KAT6A: variants seen among roughly 807,000 people sequenced by gnomAD.
KAT6A encodes the protein histone acetyltransferase KAT6A.
A neutral mutation model predicts 198.4 loss-of-function variants in KAT6A; 9 were observed. The observed-to-expected ratio is 0.05, with a 90% CI of 0.03 to 0.08. KAT6A has a LOEUF of 0.08. Among genes scored for constraint, KAT6A ranks in the 10% least tolerant of loss-of-function variants. KAT6A has a pLI of 1.00. For synonymous variants in KAT6A, 890 were observed against 883.0 expected (o/e 1.01, Z -0.14); for missense variants, 2,077 against 2,509.9 (o/e 0.83, Z 3.69).
At position 41,933,337 on chromosome 8, in the gene KAT6A, G is replaced by C; in HGVS notation, c.4883C>G (p.Ala1628Gly). Residue 1628 changes from alanine (A) to glycine (G), a missense_variant, in exon 17 of 17, where the codon GCC becomes GGC. Coordinates refer to ENST00000265713, the MANE Select transcript of KAT6A (RefSeq NM_006766.5). The surrounding 1 kb of genome is among the most constrained non-coding windows in gnomAD (Gnocchi z 6.2). ...MMQQSSVQPA[A>G]NCSIKSPQSC... ...CTGAGGTGACTTGATGCTGCAGTTGGCAGCAGGCTGGACGCTGCTCTGCTG... is the reference window on the plus strand; with the variant it reads ...CTGAGGTGACTTGATGCTGCAGTTGCCAGCAGGCTGGACGCTGCTCTGCTG... 6.3e-7 allele frequency: 1 copy of C among 1,576,080 alleles called. No individual in the cohort carries two copies. The highest frequency in any genetic ancestry group is 1.2e-5 in the South Asian group (1 of 86,318).
chr8:41,956,618 A>C (rs1288374813), intron 8 of KAT6A, among the ~76,000 whole-genome samples: 1 of 152,214 alleles, frequency 6.6e-6, no homozygotes, highest in Admixed American at 6.5e-5. Flanking sequence ...TAAAAGGCCA[A>C]GGGACTTATC....
chr8:41,946,493 TACACACACACACACACACAC>T (rs60247515), intron 12 of KAT6A, 78 bp downstream of exon 12: 25 of 323,596 alleles, frequency 7.7e-5, no homozygotes, highest in Admixed American at 2.9e-4. Context: ...TATATATATA[TACACACACACACACACACAC>T]ACACACACAC....
In KAT6A at chr8:42,049,116, C is replaced by A. The variant is rs542629656; in HGVS notation, c.-139G>T. Reference sequence around the variant, plus strand: ...ATGAGTTTTCTGGCCTAAGTCCTTCCTCCTTTCACAAAACAGAATGCCACC... The same window carrying A: ...ATGAGTTTTCTGGCCTAAGTCCTTCATCCTTTCACAAAACAGAATGCCACC... On this transcript the variant is annotated 5_prime_UTR_variant, in exon 2 of 17. It adds an upstream start codon to the 5' untranslated region. Coordinates refer to ENST00000265713, the MANE Select transcript of KAT6A (RefSeq NM_006766.5). 8 of 848,914 alleles carry A rather than the reference C, an allele frequency of 9.4e-6. No individual in the cohort carries two copies. Among genetic ancestry groups the A allele is most frequent in the African/African-American group, 1.7e-5 (1 of 59,064 alleles). The allele number at this position is 848,914 out of a possible 1,614,324, so 52.6% of individuals were successfully genotyped here. A position where few individuals can be genotyped will look rare whatever the true frequency, so the allele number is the denominator to read the frequency against.
chr8:42,007,961 C>CAAAAAAAAAAAAAA (rs988491987), intron 2 of KAT6A, among the ~76,000 whole-genome samples: 3 of 42,894 alleles, frequency 7.0e-5, no homozygotes, highest in African/African-American at 2.7e-4. Flanking sequence ...GACTCCGTCT[C>CAAAAAAAAAAAAAA]AAAAAAAAAA....
intron 2 of KAT6A, among the ~76,000 whole-genome samples, chr8:41,991,719 G>A (rs1203220464): frequency 1.3e-5 from 2 of 152,128 alleles, no homozygotes; most frequent in African/African-American, 2.4e-5. Context: ...TTGGAACTTA[G>A]GAAACAGGCT....
At chr8:41,985,081 T>C (rs1439875249) in intron 3 of KAT6A, among the ~76,000 whole-genome samples, 1 of 152,158 alleles carries the variant, frequency 6.6e-6, no homozygotes, top group Admixed American at 6.5e-5. Flanking sequence ...TAATGCTACT[T>C]AGACGGCAGG....
chr8:41,966,770 C>T (rs570791326), intron 8 of KAT6A, among the ~76,000 whole-genome samples: 1 of 152,094 alleles, frequency 6.6e-6, no homozygotes, highest in Non-Finnish European at 1.5e-5. Flanking sequence ...CTTTACCTGC[C>T]TGCACTTAGC....
At chr8:42,010,347 G>A (rs1825967161) in intron 2 of KAT6A, among the ~76,000 whole-genome samples, 1 of 152,110 alleles carries the variant, frequency 6.6e-6, no homozygotes, top group African/African-American at 2.4e-5. Flanking sequence ...GACACTCTAT[G>A]TACTTGTTGA....
chr8:41,986,588 TA>T (rs964178685), intron 3 of KAT6A, among the ~76,000 whole-genome samples: 4 of 149,848 alleles, frequency 2.7e-5, no homozygotes, highest in South Asian at 2.1e-4. Context: ...TTTATATATA[TA>T]AAAAAAAACT....
intron 8 of KAT6A, among the ~76,000 whole-genome samples, chr8:41,970,235 G>A (rs892799447): frequency 1.3e-5 from 2 of 152,182 alleles, no homozygotes; most frequent in South Asian, 2.1e-4. Context: ...ACCATCATCA[G>A]AATTTCAGTG....
chr8:42,043,680 C>T (rs1827771961), intron 2 of KAT6A: 1 of 152,132 alleles, frequency 6.6e-6, no homozygotes, highest in Admixed American at 6.5e-5. Flanking sequence ...GAAGTTAACA[C>T]CAAGGACATT....
At chr8:42,042,443 C>CAAA (rs113300128) in intron 2 of KAT6A, among the ~76,000 whole-genome samples, 9 of 115,764 alleles carry the variant, frequency 7.8e-5, no homozygotes, top group African/African-American at 2.6e-4. Flanking sequence ...CTCCATCTCT[C>CAAA]AAAAAAAAAA....
intron 9 of KAT6A, among the ~76,000 whole-genome samples, chr8:41,950,438 T>C (rs1375949951): frequency 2.0e-5 from 3 of 152,222 alleles, no homozygotes; most frequent in Admixed American, 6.5e-5. Flanking sequence ...AGTCTCCTTA[T>C]GTAGATACAA....
chr8:41,979,163 G>A (rs551016495), intron 5 of KAT6A, among the ~76,000 whole-genome samples: 15 of 152,252 alleles, frequency 9.9e-5, no homozygotes, highest in Non-Finnish European at 7.4e-5. Context: ...AGCTACTCGG[G>A]AGGCTAAGGC....
intron 2 of KAT6A, among the ~76,000 whole-genome samples, chr8:42,047,262 G>A (rs1449098765): frequency 6.6e-6 from 1 of 152,072 alleles, no homozygotes; most frequent in Non-Finnish European, 1.5e-5. Flanking sequence ...TAAAAAACAG[G>A]TACTAACAAA....
intron 2 of KAT6A, among the ~76,000 whole-genome samples, chr8:42,024,859 T>TAG (rs1445420859): frequency 2.1e-4 from 32 of 152,210 alleles, no homozygotes; most frequent in African/African-American, 7.5e-4. Context: ...CATAGATACT[T>TAG]AGGTTGATTC....
chr8:42,051,030 C>G (rs903415517), intron 1 of KAT6A, among the ~76,000 whole-genome samples: 14 of 152,288 alleles, frequency 9.2e-5, no homozygotes, highest in African/African-American at 3.1e-4. Context: ...ATCTGCACAG[C>G]CCGGCAGCTC....
At chr8:42,026,331 G>C (rs938554423) in intron 2 of KAT6A, among the ~76,000 whole-genome samples, 1 of 152,102 alleles carries the variant, frequency 6.6e-6, no homozygotes, top group Non-Finnish European at 1.5e-5. Flanking sequence ...TTTTTATGGG[G>C]ATTACATTTA....
Position 41,932,338 on chromosome 8 carries a change from T to C in KAT6A, c.5882A>G (p.Gln1961Arg). ...CTGCATAGGCTGCTGGGTATAGGCC[T>C]GGCTCCCCATCATTCCCATCTGCAT... ...MQMQMGMMGS[Q>R]AYTQQPMQPN... Residue 1961 changes from glutamine (Q) to arginine (R), a missense_variant, in exon 17 of 17, where the codon CAG becomes CGG. By Grantham distance (43) the Gln-to-Arg change is conservative. This residue lies in a region of KAT6A where 500 missense variants were observed against 577.2 expected (regional missense o/e 0.87). Coordinates refer to ENST00000265713, the MANE Select transcript of KAT6A (RefSeq NM_006766.5). 6.2e-7 allele frequency: 1 copy of C among 1,614,236 alleles called. No homozygotes were observed. The highest frequency in any genetic ancestry group is 8.5e-7 in the Non-Finnish European group (1 of 1,180,038).
Sources: gnomAD v4.1 joint callset for allele counts (sites outside exome capture counted in the v4.1 genomes callset) on GRCh38, gnomAD v4.1.1 for gene constraint, gnomAD v4.1.1 regional missense constraint, Gnocchi (gnomAD v3.1) non-coding constraint, MANE v1.5 for transcripts, NCBI Gene and HGNC (gene_info 2026-07-23, HGNC 2026-07-21) for gene names.